LACC1: variants seen among roughly 807,000 people sequenced by gnomAD.
LACC1 encodes the protein laccase domain multifunctional purine nucleosidase 1, also known as purine nucleoside phosphorylase LACC1.
A neutral mutation model predicts 34.8 loss-of-function variants in LACC1; 25 were observed. The observed-to-expected ratio is 0.72, with a 90% CI of 0.52 to 1.00. The LOEUF is 1.00. Ranked by LOEUF, LACC1 falls within the 50% of genes least tolerant of loss-of-function variation. The pLI, the probability that LACC1 is intolerant of heterozygous loss-of-function variation, is 0.00. For missense variants in LACC1, 426 were observed against 511.2 expected (o/e 0.83, Z 1.61); for synonymous variants, 162 against 168.0 (o/e 0.96, Z 0.28).
intron 4 of LACC1, 48 bp downstream of exon 4, chr13:43,883,984 C>T (rs774534982): frequency 2.2e-5 from 33 of 1,517,316 alleles, no homozygotes; most frequent in Non-Finnish European, 2.3e-5. Context: ...TTTTGTTGTG[C>T]AGGAAAAATT....
At chr13:43,883,978 G>T in intron 4 of LACC1, 42 bp downstream of exon 4, 3 of 1,541,510 alleles carry the variant, frequency 1.9e-6, no homozygotes, top group Non-Finnish European at 2.7e-6. Context: ...TACTCATTTT[G>T]TTGTGCAGGA....
At chr13:43,887,077 C>T (rs1955368224) in intron 4 of LACC1, among the ~76,000 whole-genome samples, 1 of 152,090 alleles carries the variant, frequency 6.6e-6, no homozygotes, top group Admixed American at 6.6e-5. Context: ...CTGCATCTTC[C>T]TAGGTGCCTG....
chr13:43,880,598 G>A (rs66688207), intron 1 of LACC1, among the ~76,000 whole-genome samples: 19,424 of 152,204 alleles, frequency 0.13, 1,525 homozygotes, highest in African/African-American at 0.22. Flanking sequence ...ATCATGTCAG[G>A]ACTAATGATA....
chr13:43,884,208 G>A (rs1163461160), intron 4 of LACC1, among the ~76,000 whole-genome samples: 2 of 152,162 alleles, frequency 1.3e-5, no homozygotes, highest in African/African-American at 2.4e-5. Flanking sequence ...GTGTTCCTTA[G>A]CAAGGGTGCT....
chr13:43,889,717 C>A (rs905482811), intron 5 of LACC1, among the ~76,000 whole-genome samples: 3 of 152,142 alleles, frequency 2.0e-5, no homozygotes, highest in African/African-American at 7.2e-5. Flanking sequence ...TGAGAAAAAT[C>A]TGGCTAATAG....
intron 3 of LACC1, 81 bp downstream of exon 3, chr13:43,882,444 A>C: frequency 9.6e-7 from 1 of 1,037,240 alleles, no homozygotes; most frequent in East Asian, 2.6e-5. Context: ...TAAGCTATTT[A>C]ACTTTTGTAT....
intron 6 of LACC1, 122 bp downstream of exon 6, chr13:43,890,396 T>A: frequency 8.2e-6 from 6 of 733,056 alleles, no homozygotes; most frequent in Non-Finnish European, 8.4e-6. Context: ...AAAAAAAAAG[T>A]TAATTATGTT....
chr13:43,889,992 A>G (rs941524136), intron 5 of LACC1, 122 bp from the exon 6 acceptor site: 14 of 751,632 alleles, frequency 1.9e-5, no homozygotes, highest in Admixed American at 5.7e-5. Context: ...ATAACAATAT[A>G]CATTGTTCTA....
rs186483579 is a variant in LACC1 at position 43,892,416 on chromosome 13, T to C, written c.*969T>C. On this transcript the variant is annotated 3_prime_UTR_variant, in exon 7 of 7. Transcript: ENST00000325686. ...ATCAATAGATCCTGTTACTAGATAA[T>C]GGAAGTAAGAGGTGAGGAAGAGTGG... is the stretch of plus-strand genomic sequence containing the variant. 1 of 151,784 alleles carries C rather than the reference T, an allele frequency of 6.6e-6. No individual in the cohort carries two copies. Among genetic ancestry groups the C allele is most frequent in the Non-Finnish European group, 1.5e-5 (1 of 67,880 alleles). The allele number at this position is 151,784 out of a possible 1,614,324, so 9.4% of individuals were successfully genotyped here. A position where few individuals can be genotyped will look rare whatever the true frequency, so the allele number is the denominator to read the frequency against.
In LACC1 at chr13:43,892,816, C is replaced by G. The variant is rs1225962594; in HGVS notation, c.*1369C>G. On this transcript the variant is annotated 3_prime_UTR_variant, in exon 7 of 7. Coordinates refer to ENST00000325686, the MANE Select transcript of LACC1 (RefSeq NM_153218.4). Reference sequence around the variant, plus strand: ...AGCCAGGATAGGTGTGGAAAGTACTCAAAAAGAAATCTTCAGGGATAAAAT... The same window carrying G: ...AGCCAGGATAGGTGTGGAAAGTACTGAAAAAGAAATCTTCAGGGATAAAAT... The G allele has an allele frequency of 6.6e-6, 1 of 151,954 alleles. No individual in the cohort carries two copies. The highest frequency in any genetic ancestry group is 2.4e-5 in the African/African-American group (1 of 41,356). 9.4% of individuals were successfully genotyped at this position (151,954 alleles called of 1,614,324 possible).
chr13:43,879,431 G>A (rs867687625), upstream of LACC1: 8 of 152,806 alleles, frequency 5.2e-5, no homozygotes, highest in African/African-American at 1.7e-4. Flanking sequence ...CCTGGCTCCC[G>A]GGCGAGAGCC....
At chr13:43,890,365 C>A in intron 6 of LACC1, 91 bp downstream of exon 6, 2 of 1,019,422 alleles carry the variant, frequency 2.0e-6, no homozygotes, top group Non-Finnish European at 2.8e-6. Context: ...CCTCTTTTAG[C>A]CTATTCCTCC....
rs752492083 is a variant in LACC1, at chr13:43,881,223, A to T, written c.238A>T (p.Ser80Cys). 5.0e-6 allele frequency: 8 copies of T among 1,614,226 alleles called. No homozygotes were observed. In the Middle Eastern group the frequency reaches 4.9e-4, roughly 100 times the overall value. The change falls in exon 2 of 7, where the codon AGC (serine) becomes TGC (cysteine). Residue 80 changes from serine (S) to cysteine (C), a missense_variant. By Grantham distance (112) the Ser-to-Cys change is moderately radical. Coordinates refer to ENST00000325686, the MANE Select transcript of LACC1 (RefSeq NM_153218.4). The part of the protein sequence containing the change: ...SALLEEFEIV[S>C]CPSMAATLYT... ...TCTCTTGGAAGAATTTGAGATTGTT[A>T]GCTGTCCCAGCATGGCTGCCACTTT...
rs1955644445 is a variant in LACC1, at chr13:43,893,578, A to G, written c.*2131A>G. The G allele has an allele frequency of 6.6e-6, 1 of 151,964 alleles. No homozygotes were observed. Among genetic ancestry groups the G allele is most frequent in the Non-Finnish European group, 1.5e-5 (1 of 67,874 alleles). The allele number at this position is 151,964 out of a possible 1,614,324, so 9.4% of individuals were successfully genotyped here. On this transcript the variant is annotated 3_prime_UTR_variant, in exon 7 of 7. Coordinates refer to ENST00000325686, the MANE Select transcript of LACC1 (RefSeq NM_153218.4). ...CAGTCAGTAAACCAACAATCTCAAT[A>G]CTTTGATATATGTTGTGAGGTTGTG...
rs772187694 is a variant in LACC1, at chr13:43,888,877, T to C, written c.1028T>C (p.Phe343Ser). 1 of 1,613,864 alleles carries C rather than the reference T, an allele frequency of 6.2e-7. No homozygotes were observed. The highest frequency in any genetic ancestry group is 1.7e-5 in the Admixed American group (1 of 59,990). Residue 343 changes from phenylalanine to serine, a missense_variant, in exon 5 of 7, where the codon TTT (phenylalanine) becomes TCT (serine). By Grantham distance (155) the Phe-to-Ser change is radical. Coordinates refer to ENST00000325686, the MANE Select transcript of LACC1 (RefSeq NM_153218.4). ...VLGPSVGPCC[F>S]TLPRESAEAF... is the part of the protein sequence containing the mutation. ...GGACCTTCAGTAGGACCTTGCTGTTTTACTCTTCCAAGGGAATCAGCAGAG... is the reference window on the plus strand; with the variant it reads ...GGACCTTCAGTAGGACCTTGCTGTTCTACTCTTCCAAGGGAATCAGCAGAG...
chr13:43,890,015 C>T, intron 5 of LACC1, 99 bp from the exon 6 acceptor site: 1 of 1,011,288 alleles, frequency 9.9e-7, no homozygotes, highest in Non-Finnish European at 1.4e-6. Context: ...TACATCTTTC[C>T]TGGAACTTTT....
rs1057416152 is a variant in LACC1 at position 43,891,391 on chromosome 13, C to A, written c.*2-58C>A. 4 of 840,992 alleles carry A rather than the reference C, an allele frequency of 4.8e-6. No individual in the cohort carries two copies. The African/African-American group carries it at 5.5e-5, about 12-fold the overall frequency. The allele number at this position is 840,992 out of a possible 1,614,324, so 52.1% of individuals were successfully genotyped here. On this transcript the variant is annotated intron_variant, in intron 6 of 6. Transcript: ENST00000325686. ...CTTTAATAGACTTCATGACTCTTAC[C>A]TTGATATTCTAATAACACCAGTAAG...
chr13:43,879,809 G>GGGGCGAGGCGAGGCGGGGCGAGGT (rs1954875702), upstream of LACC1: 5 of 116,246 alleles, frequency 4.3e-5, no homozygotes, highest in Admixed American at 3.4e-4. Context: ...GAGGCGAGGC[G>GGGGCGAGGCGAGGCGGGGCGAGGT]GGGCGAGGTG....
At position 43,882,564 on chromosome 13, in the gene LACC1, G is replaced by GATATATATATATATATATAT. The variant is rs56292789; in HGVS notation, c.741+204_741+223dup. ...TTATACACACACACACACACGTGCA[G>GATATATATATATATATATAT]ATATATATATATATATATATATGCA... On this transcript the variant is annotated intron_variant, in intron 3 of 6. Transcript: ENST00000325686. Among the ~76,000 whole-genome samples the GATATATATATATATATATAT allele has an allele frequency of 1.5e-3, 206 of 139,102 alleles. 2 individuals are homozygous for GATATATATATATATATATAT. The highest frequency in any genetic ancestry group is 7.3e-3 in the South Asian group (29 of 3,966). 91.3% of individuals were successfully genotyped at this position (139,102 alleles called of 152,430 possible).
Sources: allele counts gnomAD v4.1 joint callset (sites outside exome capture counted in the v4.1 genomes callset), GRCh38; gene constraint gnomAD v4.1.1; transcripts MANE v1.5; gene names NCBI Gene and HGNC (gene_info 2026-07-23, HGNC 2026-07-21).